Variants in SLC9A9 observed in about 807,000 individuals in gnomAD.
SLC9A9 encodes the protein solute carrier family 9 member A9.
SLC9A9 carries 62 observed loss-of-function variants against 77.8 expected under a neutral mutation model. The ratio of observed to expected loss-of-function variants is 0.80; its 90% confidence interval spans 0.65 to 0.98. SLC9A9 has a LOEUF of 0.98. SLC9A9 is among the 50% of genes least tolerant of loss of function. The probability of loss-of-function intolerance (pLI) is 0.00; values close to 1 mark genes in which losing one functional copy is unlikely to be tolerated. For missense variants in SLC9A9, 775 were observed against 774.9 expected (o/e 1.00, Z 0.00); for synonymous variants, 320 against 283.5 (o/e 1.13, Z -1.29).
At chr3:143,594,091 A>T (rs1663823632) in intron 6 of SLC9A9, among the ~76,000 whole-genome samples, 1 of 152,236 alleles carries the variant, frequency 6.6e-6, no homozygotes, top group African/African-American at 2.4e-5. Flanking sequence ...TGGATTTTAA[A>T]AAAAGAGCTT....
chr3:143,631,175 C>T (rs1047377065), intron 6 of SLC9A9, among the ~76,000 whole-genome samples: 3 of 152,118 alleles, frequency 2.0e-5, no homozygotes, highest in Non-Finnish European at 4.4e-5. Flanking sequence ...TCAAATTAGT[C>T]CGCAAGTTAC....
At chr3:143,520,987 G>A (rs2036289481) in intron 9 of SLC9A9, among the ~76,000 whole-genome samples, 1 of 152,084 alleles carries the variant, frequency 6.6e-6, no homozygotes, top group East Asian at 1.9e-4. Flanking sequence ...TCCTTTGACA[G>A]TCATATGTCA....
intron 14 of SLC9A9, among the ~76,000 whole-genome samples, chr3:143,317,748 G>C (rs2031267104): frequency 6.6e-6 from 1 of 151,690 alleles, no homozygotes; most frequent in African/African-American, 2.4e-5. Context: ...TTTCTTTTGA[G>C]ACAGAGTCTC....
At chr3:143,386,456 GTCAC>G (rs1559892834) in intron 12 of SLC9A9, among the ~76,000 whole-genome samples, 1 of 152,200 alleles carries the variant, frequency 6.6e-6, no homozygotes, top group African/African-American at 2.4e-5. Flanking sequence ...TGTGACCTGT[GTCAC>G]TCACTCTGTC....
At chr3:143,812,765 G>C (rs1003009718) in intron 2 of SLC9A9, among the ~76,000 whole-genome samples, 23 of 152,176 alleles carry the variant, frequency 1.5e-4, no homozygotes, top group Non-Finnish European at 4.4e-5. Flanking sequence ...CTAACAGAGA[G>C]ACTAGATTAA....
chr3:143,285,242 C>T (rs1938350579), intron 14 of SLC9A9, among the ~76,000 whole-genome samples: 1 of 152,194 alleles, frequency 6.6e-6, no homozygotes, highest in Non-Finnish European at 1.5e-5. Context: ...TAGCCCCCCA[C>T]ACCCCAACAG....
intron 14 of SLC9A9, among the ~76,000 whole-genome samples, chr3:143,279,376 G>GTTTAC (rs1938149608): frequency 6.6e-6 from 1 of 152,154 alleles, no homozygotes; most frequent in African/African-American, 2.4e-5. Context: ...CAAGTGAGGT[G>GTTTAC]TTTACTTAGA....
At chr3:143,710,437 A>G (rs1271834157) in intron 4 of SLC9A9, among the ~76,000 whole-genome samples, 1 of 152,218 alleles carries the variant, frequency 6.6e-6, no homozygotes, top group Non-Finnish European at 1.5e-5. Flanking sequence ...CCAAGTAACC[A>G]GCACAAGGGG....
intron 8 of SLC9A9, among the ~76,000 whole-genome samples, chr3:143,572,296 GGTGTGTGTGT>G (rs71629562): frequency 2.0e-5 from 3 of 148,686 alleles, no homozygotes; most frequent in Admixed American, 6.7e-5. Flanking sequence ...CTTAGGCAAT[GGTGTGTGTGT>G]GTGTGTGTGT....
At chr3:143,390,915 C>A (rs1443673505) in intron 12 of SLC9A9, among the ~76,000 whole-genome samples, 1 of 152,206 alleles carries the variant, frequency 6.6e-6, no homozygotes, top group Non-Finnish European at 1.5e-5. Flanking sequence ...GGGTGCCCAC[C>A]ATTGCTGAGG....
chr3:143,558,396 C>T (rs184527913), intron 8 of SLC9A9, among the ~76,000 whole-genome samples: 8 of 152,210 alleles, frequency 5.3e-5, no homozygotes, highest in Admixed American at 2.6e-4. Context: ...CAGCTTGCAC[C>T]GTGCACCTGG....
At chr3:143,688,256 T>C (rs180869680) in intron 5 of SLC9A9, among the ~76,000 whole-genome samples, 1 of 151,234 alleles carries the variant, frequency 6.6e-6, no homozygotes, top group Admixed American at 6.6e-5. Flanking sequence ...CAGTCTGGAT[T>C]TTTTTTTTCC....
chr3:143,274,453 C>G (rs1937987551), intron 14 of SLC9A9, among the ~76,000 whole-genome samples: 1 of 152,136 alleles, frequency 6.6e-6, no homozygotes, highest in Non-Finnish European at 1.5e-5. Flanking sequence ...CTGTGGGGTG[C>G]TGGCAAATGG....
At chr3:143,455,462 G>A (rs1852059) in intron 12 of SLC9A9, among the ~76,000 whole-genome samples, 42,568 of 151,972 alleles carry the variant, frequency 0.28, 6,138 homozygotes, top group East Asian at 0.49. Context: ...GTCCTCCTGC[G>A]ATTTTGATTA....
chr3:143,480,100 A>G (rs2035549386), intron 11 of SLC9A9, among the ~76,000 whole-genome samples: 1 of 152,358 alleles, frequency 6.6e-6, no homozygotes, highest in Middle Eastern at 3.4e-3. Context: ...TTAATCACAC[A>G]GTTCCAGGTG....
intron 4 of SLC9A9, among the ~76,000 whole-genome samples, chr3:143,737,934 G>T (rs1934984292): frequency 6.6e-6 from 1 of 152,094 alleles, no homozygotes; most frequent in Non-Finnish European, 1.5e-5. Context: ...TATTTTACAT[G>T]CATTCTCTCA....
At chr3:143,819,546 C>T (rs527803486) in intron 2 of SLC9A9, among the ~76,000 whole-genome samples, 1 of 152,070 alleles carries the variant, frequency 6.6e-6, no homozygotes, top group South Asian at 2.1e-4. Flanking sequence ...TCCTCTGTAG[C>T]GTGGGTCATA....
chr3:143,434,915 C>A (rs1048689259), intron 12 of SLC9A9, among the ~76,000 whole-genome samples: 5 of 152,166 alleles, frequency 3.3e-5, no homozygotes, highest in Non-Finnish European at 7.3e-5. Context: ...ACCCCACGAG[C>A]CCCTTCTGAC....
intron 6 of SLC9A9, among the ~76,000 whole-genome samples, chr3:143,592,252 C>T (rs981611908): frequency 2.6e-5 from 4 of 152,154 alleles, no homozygotes; most frequent in Admixed American, 2.0e-4. Context: ...GGTGGCTGGG[C>T]GCAGTGGCTC....
Sources: allele counts gnomAD v4.1 joint callset (sites outside exome capture counted in the v4.1 genomes callset), GRCh38; gene constraint gnomAD v4.1.1; transcripts MANE v1.5; gene names NCBI Gene and HGNC (gene_info 2026-07-23, HGNC 2026-07-21).